SLC25A48: variants seen among roughly 807,000 people sequenced by gnomAD.
The protein encoded by SLC25A48 is solute carrier family 25 member 48.
Under a neutral mutation model 32.2 loss-of-function variants are expected in SLC25A48, and 29 were observed. That is an observed-to-expected ratio of 0.90 (90% CI 0.67 to 1.23). The LOEUF is 1.23. Among genes scored for constraint, SLC25A48 ranks in the 50% most tolerant of loss-of-function variants. The pLI, the probability that SLC25A48 is intolerant of heterozygous loss-of-function variation, is 0.00. For missense variants in SLC25A48, 399 were observed against 422.7 expected (o/e 0.94, Z 0.49); for synonymous variants, 164 against 172.3 (o/e 0.95, Z 0.38).
intron 3 of SLC25A48, among the ~76,000 whole-genome samples, chr5:135,664,181 G>C (rs1466014239): frequency 6.6e-6 from 1 of 152,232 alleles, no homozygotes; most frequent in African/African-American, 2.4e-5. Context: ...CACTTAGATA[G>C]GAACCCATGG....
chr5:135,765,770 G>A (rs929075982), intron 3 of SLC25A48, among the ~76,000 whole-genome samples: 1 of 151,704 alleles, frequency 6.6e-6, no homozygotes, highest in Non-Finnish European at 1.5e-5. Flanking sequence ...AATATCTTGG[G>A]TGGGAGAGGA....
rs757412641 is a variant in SLC25A48 at position 135,721,192 on chromosome 5, CTTTTTTTTTTTT to C, written c.-521+86254_-521+86265del. On this transcript the variant is annotated intron_variant, in intron 3 of 10. Transcript: ENST00000646290. ...GAGTAGCTGGGACACCATGCCTGGC[CTTTTTTTTTTTT>C]TTTTTTTTTTTTTTTTTGACAGAGT... Among the ~76,000 whole-genome samples, 93 of 53,882 alleles carry C rather than the reference CTTTTTTTTTTTT, an allele frequency of 1.7e-3. 2 individuals carry two copies. The highest frequency in any genetic ancestry group is 2.5e-3 in the Non-Finnish European group (59 of 23,716). The allele number at this position is 53,882 out of a possible 152,430, so 35.3% of individuals were successfully genotyped here.
chr5:135,884,546 C>T (rs1451620217), intron 7 of SLC25A48, among the ~76,000 whole-genome samples: 1 of 152,100 alleles, frequency 6.6e-6, no homozygotes, highest in Non-Finnish European at 1.5e-5. Flanking sequence ...ACTCCAGTGG[C>T]ATGTCATTCT....
intron 4 of SLC25A48, among the ~76,000 whole-genome samples, chr5:135,859,045 T>G (rs1760566482): frequency 6.6e-6 from 1 of 152,194 alleles, no homozygotes; most frequent in Admixed American, 6.5e-5. Flanking sequence ...TGTGGTTTTC[T>G]TTCAATTGCT....
upstream of SLC25A48, among the ~76,000 whole-genome samples, chr5:135,831,327 G>C (rs714090): frequency 2.0e-5 from 3 of 152,098 alleles, no homozygotes; most frequent in Non-Finnish European, 4.4e-5. Context: ...AAGGCCCAGC[G>C]GACTAAGCAG....
chr5:135,713,381 C>G (rs138930588), intron 3 of SLC25A48, among the ~76,000 whole-genome samples: 13 of 152,288 alleles, frequency 8.5e-5, no homozygotes, highest in African/African-American at 3.1e-4. Context: ...GTGTGGTTAT[C>G]AGAGCAGCTA....
chr5:135,778,665 C>T (rs796521695), intron 3 of SLC25A48, among the ~76,000 whole-genome samples: 10 of 148,092 alleles, frequency 6.8e-5, no homozygotes, highest in African/African-American at 2.5e-4. Context: ...GACATTGCTC[C>T]CAGTATCACA....
chr5:135,665,864 C>G (rs1415525435), intron 3 of SLC25A48, among the ~76,000 whole-genome samples: 2 of 152,014 alleles, frequency 1.3e-5, no homozygotes, highest in African/African-American at 4.8e-5. Flanking sequence ...TGGGCTCTTT[C>G]TCTCCTTCCA....
chr5:135,807,770 C>A (rs1334465724), intron 3 of SLC25A48, among the ~76,000 whole-genome samples: 1 of 149,986 alleles, frequency 6.7e-6, no homozygotes, highest in Non-Finnish European at 1.5e-5. Flanking sequence ...TTATTAATAT[C>A]ATTGTGTGTT....
chr5:135,581,962 T>C (rs1751244302), intron 1 of SLC25A48, among the ~76,000 whole-genome samples: 1 of 152,238 alleles, frequency 6.6e-6, no homozygotes, highest in Non-Finnish European at 1.5e-5. Flanking sequence ...TGGGCATGTG[T>C]GAGGCCGTTC....
At chr5:135,670,827 T>TTA (rs927234841) in intron 3 of SLC25A48, among the ~76,000 whole-genome samples, 39 of 152,186 alleles carry the variant, frequency 2.6e-4, no homozygotes, top group African/African-American at 6.8e-4. Context: ...TCTTCCACAA[T>TTA]TAGACATATC....
chr5:135,856,843 G>A (rs1760363197), intron 4 of SLC25A48, among the ~76,000 whole-genome samples: 2 of 152,240 alleles, frequency 1.3e-5, no homozygotes, highest in South Asian at 4.1e-4. Context: ...CAGGCATCCA[G>A]GCCCCTGTGC....
intron 3 of SLC25A48, among the ~76,000 whole-genome samples, chr5:135,742,779 C>T (rs1755527449): frequency 6.6e-6 from 1 of 152,072 alleles, no homozygotes; most frequent in Non-Finnish European, 1.5e-5. Flanking sequence ...TTGAAAGTGC[C>T]TCATTTATTG....
At chr5:135,855,801 A>G (rs1011969550) in intron 4 of SLC25A48, among the ~76,000 whole-genome samples, 1 of 152,176 alleles carries the variant, frequency 6.6e-6, no homozygotes, top group Non-Finnish European at 1.5e-5. Context: ...CCTGGCCCAC[A>G]TGCCAGGAAG....
At chr5:135,834,392 A>G (rs1758326720), upstream of SLC25A48, among the ~76,000 whole-genome samples, 1 of 152,228 alleles carries the variant, frequency 6.6e-6, no homozygotes, top group African/African-American at 2.4e-5. Flanking sequence ...TCCACAGCTG[A>G]TTGGAATCAG....
chr5:135,618,066 A>C, intron 1 of SLC25A48, among the ~76,000 whole-genome samples: 1 of 151,026 alleles, frequency 6.6e-6, no homozygotes, highest in East Asian at 1.9e-4. Flanking sequence ...CTTTAGATCT[A>C]ATAATTTTTG....
Position 135,874,077 on chromosome 5 carries a change from G to T in SLC25A48, c.736G>T (p.Ala246Ser). ...PMDVVKSRLQ[A>S]DGVYLNKYKG... ...GGATGTCGTGAAAAGTCGACTCCAAGCTGATGGGGTTTATTTAAACAAATA... is the reference window on the plus strand; with the variant it reads ...GGATGTCGTGAAAAGTCGACTCCAATCTGATGGGGTTTATTTAAACAAATA... Residue 246 changes from alanine to serine, a missense_variant, in exon 6 of 8, where the codon GCT (alanine) becomes TCT (serine). Transcript: ENST00000681962. 1 of 1,528,744 alleles carries T rather than the reference G, an allele frequency of 6.5e-7. No homozygotes were observed. Among genetic ancestry groups the T allele is most frequent in the Non-Finnish European group, 8.7e-7 (1 of 1,144,604 alleles). 94.7% of individuals were successfully genotyped at this position (1,528,744 alleles called of 1,614,324 possible). A position where few individuals can be genotyped will look rare whatever the true frequency, so the allele number is the denominator to read the frequency against.
chr5:135,764,460 G>T (rs1448226784), intron 3 of SLC25A48, among the ~76,000 whole-genome samples: 1 of 151,806 alleles, frequency 6.6e-6, no homozygotes, highest in Non-Finnish European at 1.5e-5. Context: ...CGTGGGGGTT[G>T]TACACCCCAC....
chr5:135,748,393 C>A (rs1755692557), intron 3 of SLC25A48, among the ~76,000 whole-genome samples: 1 of 152,122 alleles, frequency 6.6e-6, no homozygotes, highest in African/African-American at 2.4e-5. Flanking sequence ...CCTGCCTTGG[C>A]CTCCCAAGTA....
Sources: allele counts gnomAD v4.1 joint callset (sites outside exome capture counted in the v4.1 genomes callset), GRCh38; gene constraint gnomAD v4.1.1; transcripts MANE v1.5; gene names NCBI Gene and HGNC (gene_info 2026-07-23, HGNC 2026-07-21).